SYTL5: variants seen among roughly 807,000 people sequenced by gnomAD.
The protein encoded by SYTL5 is synaptotagmin like 5.
Under a neutral mutation model 55.9 loss-of-function variants are expected in SYTL5, and 34 were observed. The ratio of observed to expected loss-of-function variants is 0.61; its 90% confidence interval spans 0.46 to 0.81. The LOEUF (loss-of-function observed/expected upper bound fraction) is 0.81, where lower values mean the gene tolerates loss of function less well. SYTL5 is among the 30% of genes least tolerant of loss of function. The pLI, the probability that SYTL5 is intolerant of heterozygous loss-of-function variation, is 0.00. For synonymous variants in SYTL5, 221 were observed against 188.7 expected (o/e 1.17, Z -1.40); for missense variants, 637 against 546.7 (o/e 1.17, Z -1.65).
At chrX:38,035,187 T>C (rs751667883) in intron 2 of SYTL5, among the ~76,000 whole-genome samples, 9 of 112,459 alleles carry the variant, frequency 8.0e-5, no homozygotes, top group Non-Finnish European at 1.7e-4. Context: ...ATTATTGCAC[T>C]TTTTCTATGC....
chrX:37,935,859 A>G, the SYTL5 span, among the ~76,000 whole-genome samples: 13 of 112,572 alleles, frequency 1.2e-4, no homozygotes, highest in African/African-American at 4.2e-4. Flanking sequence ...GGCATATAAA[A>G]AATAAATTTC....
the SYTL5 span, among the ~76,000 whole-genome samples, chrX:37,921,962 T>A: frequency 1.8e-5 from 2 of 111,704 alleles, no homozygotes; most frequent in African/African-American, 6.5e-5. Flanking sequence ...CAATTTAGGA[T>A]TTGATTCATT....
At chrX:37,980,404 G>A in the SYTL5 span, among the ~76,000 whole-genome samples, 2 of 111,917 alleles carry the variant, frequency 1.8e-5, no homozygotes, top group East Asian at 2.8e-4. Context: ...GCAAGCCTTA[G>A]TAAATCAAAA....
At chrX:37,971,807 CT>C in the SYTL5 span, among the ~76,000 whole-genome samples, 314 of 101,103 alleles carry the variant, frequency 3.1e-3, 1 homozygote, top group Middle Eastern at 4.9e-3. Context: ...TTTATTCCGG[CT>C]TTTTTTTTTT....
the SYTL5 span, among the ~76,000 whole-genome samples, chrX:37,944,321 G>A: frequency 1.8e-5 from 2 of 110,930 alleles, no homozygotes; most frequent in African/African-American, 3.3e-5. Context: ...GAGTCTGGGG[G>A]CATTTTGATT....
At chrX:38,124,403 T>A (rs1463937195) in intron 15 of SYTL5, among the ~76,000 whole-genome samples, 1 of 111,879 alleles carries the variant, frequency 8.9e-6, no homozygotes, top group African/African-American at 3.2e-5. Flanking sequence ...TGTATCTTCT[T>A]TATTGTAAAG....
At position 38,033,668 on chromosome X, in the gene SYTL5, A is replaced by G. The variant is rs1045277209; in HGVS notation, c.-222A>G. ...TTGGAAACATTTTTCAGTTAAAACA[A>G]TAATGACTTTCTTGGAGTGTAATCC... On this transcript the variant is annotated 5_prime_UTR_variant, in exon 2 of 17. Coordinates refer to ENST00000297875, the MANE Select transcript of SYTL5 (RefSeq NM_138780.3). 5 of 227,778 alleles carry G rather than the reference A, an allele frequency of 2.2e-5. No homozygotes were observed. The highest frequency in any genetic ancestry group is 4.0e-5 in the Non-Finnish European group (5 of 126,133). The allele number at this position is 227,778 out of a possible 1,213,427, so 18.8% of individuals were successfully genotyped here. A position where few individuals can be genotyped will look rare whatever the true frequency, so the allele number is the denominator to read the frequency against.
At chrX:37,990,779 A>G in the SYTL5 span, 2 of 1,139,712 alleles carry the variant, frequency 1.8e-6, no homozygotes, top group African/African-American at 1.8e-5. Context: ...TAGTGTCCTC[A>G]GAGACCTACT....
the SYTL5 span, among the ~76,000 whole-genome samples, chrX:37,901,183 G>A: frequency 9.0e-6 from 1 of 111,613 alleles, no homozygotes; most frequent in Non-Finnish European, 1.9e-5. Context: ...GGATCCCTTG[G>A]GACTATCCCA....
chrX:38,047,765 CAA>C (rs915902890), intron 2 of SYTL5, among the ~76,000 whole-genome samples: 3 of 111,899 alleles, frequency 2.7e-5, no homozygotes, highest in African/African-American at 9.7e-5. Context: ...TAACAGCACC[CAA>C]GTCACCTCTT....
the SYTL5 span, among the ~76,000 whole-genome samples, chrX:37,891,464 A>G: frequency 8.9e-6 from 1 of 111,839 alleles, no homozygotes; most frequent in Non-Finnish European, 1.9e-5. Flanking sequence ...TGCTTGCCTA[A>G]GGCTGGAGGA....
the SYTL5 span, among the ~76,000 whole-genome samples, chrX:37,931,635 T>C: frequency 2.7e-5 from 3 of 111,922 alleles, no homozygotes; most frequent in Non-Finnish European, 5.6e-5. Context: ...CTTGCTGCTG[T>C]ATCCAGAACA....
At position 38,049,475 on chromosome X, in the gene SYTL5, T is replaced by C. The variant is rs766546550; in HGVS notation, c.120-4738T>C. 8.1e-5 allele frequency among the ~76,000 whole-genome samples: 9 copies of C among 111,158 alleles called. No homozygotes were observed. The South Asian group carries it at 3.5e-3, about 43-fold the overall frequency. On this transcript the variant is annotated intron_variant, in intron 2 of 16. Transcript: ENST00000297875. The stretch of plus-strand genomic sequence containing the variant: ...TTAAAGCAGGGGTCTGGACTCCCTA[T>C]CTTTTGTTGCTCCACCATGTTGAGA...
At chrX:38,015,827 G>T (rs1457054966) in intron 1 of SYTL5, among the ~76,000 whole-genome samples, 2 of 111,067 alleles carry the variant, frequency 1.8e-5, no homozygotes, top group African/African-American at 6.5e-5. Flanking sequence ...CAAAGCCACA[G>T]ACCTTGTAGG....
chrX:37,979,025 C>T, the SYTL5 span, among the ~76,000 whole-genome samples: 1 of 111,488 alleles, frequency 9.0e-6, no homozygotes, highest in East Asian at 2.8e-4. Flanking sequence ...GAAATTTTTG[C>T]AGTGAAATAC....
the SYTL5 span, among the ~76,000 whole-genome samples, chrX:37,955,215 A>G: frequency 1.8e-5 from 2 of 111,985 alleles, no homozygotes; most frequent in African/African-American, 6.5e-5. Context: ...TAATTTATTG[A>G]TCAATTTTTT....
the SYTL5 span, among the ~76,000 whole-genome samples, chrX:37,897,482 C>CAA: frequency 1.3e-3 from 90 of 68,285 alleles, 2 homozygotes; most frequent in Middle Eastern, 0.011. Flanking sequence ...GACTCCATCT[C>CAA]AAAAAAAAAA....
intron 3 of SYTL5, among the ~76,000 whole-genome samples, chrX:38,066,755 A>G (rs1298409351): frequency 3.6e-5 from 4 of 111,467 alleles, no homozygotes; most frequent in African/African-American, 6.5e-5. Context: ...AAGCCCTGTT[A>G]TAGTTGACAA....
At chrX:37,990,342 A>G in the SYTL5 span, among the ~76,000 whole-genome samples, 1 of 112,153 alleles carries the variant, frequency 8.9e-6, no homozygotes, top group Admixed American at 9.4e-5. Flanking sequence ...GTAATATTAA[A>G]TGATTGTGTA....
Sources: allele counts gnomAD v4.1 joint callset (sites outside exome capture counted in the v4.1 genomes callset), GRCh38; gene constraint gnomAD v4.1.1; transcripts MANE v1.5; gene names NCBI Gene and HGNC (gene_info 2026-07-23, HGNC 2026-07-21).